The following DPH6 variants were observed in gnomAD, a reference collection of about 807,000 sequenced individuals.
DPH6 encodes diphthamine biosynthesis 6, also known as diphthine--ammonia ligase.
Under a neutral mutation model 38.2 loss-of-function variants are expected in DPH6, and 33 were observed. That is an observed-to-expected ratio of 0.86 (90% CI 0.65 to 1.15). The LOEUF (loss-of-function observed/expected upper bound fraction) is 1.15. Among genes scored for constraint, DPH6 ranks in the 50% most tolerant of loss-of-function variants. The pLI is 0.00. For synonymous variants in DPH6, 108 were observed against 103.0 expected (o/e 1.05, Z -0.30); for missense variants, 325 against 320.0 (o/e 1.02, Z -0.12).
chr15:35,148,309 T>G, the DPH6 span, among the ~76,000 whole-genome samples: 1 of 152,210 alleles, frequency 6.6e-6, no homozygotes, highest in Non-Finnish European at 1.5e-5. Flanking sequence ...TAGCTAATTA[T>G]AGTTTATTCT....
At chr15:35,465,413 AC>A (rs1189606062) in intron 3 of DPH6, among the ~76,000 whole-genome samples, 2 of 152,230 alleles carry the variant, frequency 1.3e-5, no homozygotes, top group African/African-American at 4.8e-5. Context: ...GTGAATGCCA[AC>A]GACGTTCTAG....
At chr15:35,240,149 T>C (rs1323395616) in intron 3 of DPH6, among the ~76,000 whole-genome samples, 2 of 142,970 alleles carry the variant, frequency 1.4e-5, no homozygotes, top group Non-Finnish European at 3.1e-5. Context: ...CCTTATTTTC[T>C]TCTGCAATGC....
intron 3 of DPH6, among the ~76,000 whole-genome samples, chr15:35,280,809 G>A (rs1300786896): frequency 6.6e-6 from 1 of 152,086 alleles, no homozygotes; most frequent in Non-Finnish European, 1.5e-5. Flanking sequence ...TCATAACAAA[G>A]AATCAGTTTT....
intron 1 of DPH6, among the ~76,000 whole-genome samples, chr15:35,542,963 T>A (rs11629866): frequency 0.046 from 5,423 of 118,346 alleles, 666 homozygotes; most frequent in Middle Eastern, 0.11. Context: ...TATATATATA[T>A]ATAAAATAAT....
intron 3 of DPH6, among the ~76,000 whole-genome samples, chr15:35,301,953 G>T (rs1017055444): frequency 1.3e-4 from 19 of 151,880 alleles, no homozygotes; most frequent in Non-Finnish European, 2.1e-4. Flanking sequence ...GAGCCTGGGC[G>T]GCAGAGTGAG....
At chr15:35,366,228 T>TTGCGTGTGTG (rs376724959), downstream of DPH6, among the ~76,000 whole-genome samples, 21 of 144,378 alleles carry the variant, frequency 1.5e-4, no homozygotes, top group African/African-American at 5.4e-4. Context: ...TTTAGTCATC[T>TTGCGTGTGTG]TGTGTGTGTG....
intron 3 of DPH6, among the ~76,000 whole-genome samples, chr15:35,466,245 T>C (rs1240368979): frequency 6.6e-6 from 1 of 152,026 alleles, no homozygotes; most frequent in Middle Eastern, 3.2e-3. Flanking sequence ...AAAGATAAGG[T>C]GATATTTTGA....
chr15:35,206,848 G>A, the DPH6 span, among the ~76,000 whole-genome samples: 1 of 151,858 alleles, frequency 6.6e-6, no homozygotes, highest in African/African-American at 2.4e-5. Context: ...TATCAATAAT[G>A]CCATCTGTCC....
intron 3 of DPH6, among the ~76,000 whole-genome samples, chr15:35,533,126 AT>A (rs1391167148): frequency 6.0e-5 from 9 of 150,192 alleles, no homozygotes; most frequent in Middle Eastern, 3.2e-3. Flanking sequence ...AAAAAGAATC[AT>A]CTAGGATGGT....
intron 3 of DPH6, among the ~76,000 whole-genome samples, chr15:35,285,486 A>C (rs1229930223): frequency 6.6e-6 from 1 of 152,088 alleles, no homozygotes; most frequent in East Asian, 1.9e-4. Flanking sequence ...TCCACATAAG[A>C]TGTGACTTGC....
At chr15:35,298,364 T>A in intron 3 of DPH6, 1 of 676,688 alleles carries the variant, frequency 1.5e-6, no homozygotes, top group East Asian at 3.5e-5. Flanking sequence ...GAATTGCTGA[T>A]TTAACTCTCT....
intron 3 of DPH6, among the ~76,000 whole-genome samples, chr15:35,517,005 A>G (rs535180654): frequency 1.3e-5 from 2 of 152,260 alleles, no homozygotes; most frequent in African/African-American, 4.8e-5. Context: ...ACATGAAAAA[A>G]TATACATACA....
chr15:35,245,529 C>T (rs903535780), intron 3 of DPH6, among the ~76,000 whole-genome samples: 4 of 152,120 alleles, frequency 2.6e-5, no homozygotes, highest in East Asian at 1.9e-4. Flanking sequence ...TGAGCCACCA[C>T]GCTGGCGGGT....
intron 3 of DPH6, among the ~76,000 whole-genome samples, chr15:35,529,445 T>C (rs1435166662): frequency 1.3e-5 from 2 of 152,088 alleles, no homozygotes; most frequent in African/African-American, 4.8e-5. Flanking sequence ...ACTCCAACAC[T>C]GGGAATCACA....
intron 3 of DPH6, among the ~76,000 whole-genome samples, chr15:35,253,129 T>C (rs1595447543): frequency 6.6e-6 from 1 of 152,232 alleles, no homozygotes; most frequent in East Asian, 1.9e-4. Context: ...AACATGCAAA[T>C]TGCTCTTCCA....
chr15:35,373,872 C>T (rs2052746002), intron 7 of DPH6, among the ~76,000 whole-genome samples: 3 of 152,104 alleles, frequency 2.0e-5, no homozygotes, highest in Admixed American at 2.0e-4. Context: ...ACTCAAAGCT[C>T]TCTGAACAAT....
chr15:35,442,793 T>G (rs2053804633), intron 5 of DPH6, among the ~76,000 whole-genome samples: 1 of 152,196 alleles, frequency 6.6e-6, no homozygotes, highest in Admixed American at 6.5e-5. Context: ...GGATTCCAAT[T>G]ATATGAGATA....
At chr15:35,455,930 A>G (rs1396947742) in intron 3 of DPH6, among the ~76,000 whole-genome samples, 5 of 152,238 alleles carry the variant, frequency 3.3e-5, no homozygotes, top group African/African-American at 1.2e-4. Flanking sequence ...TCATACTGAA[A>G]TAACCCTGTG....
downstream of DPH6, among the ~76,000 whole-genome samples, chr15:35,327,512 A>AT (rs1445660388): frequency 2.0e-5 from 3 of 151,858 alleles, no homozygotes; most frequent in Non-Finnish European, 4.4e-5. Context: ...TGCCTGGCTA[A>AT]TTTTTTGTAT....
Sources: gnomAD v4.1 joint callset for allele counts (sites outside exome capture counted in the v4.1 genomes callset) on GRCh38, gnomAD v4.1.1 for gene constraint, MANE v1.5 for transcripts, NCBI Gene and HGNC (gene_info 2026-07-23, HGNC 2026-07-21) for gene names.